RAD51: variants seen among roughly 807,000 people sequenced by gnomAD.
RAD51 encodes DNA repair protein RAD51 homolog 1.
RAD51 carries 14 observed loss-of-function variants against 41.5 expected under a neutral mutation model. The observed-to-expected ratio is 0.34, with a 90% CI of 0.22 to 0.53. The LOEUF is 0.53. RAD51 is among the 20% of genes least tolerant of loss of function. The pLI is 0.95. For synonymous variants in RAD51, 136 were observed against 148.6 expected (o/e 0.92, Z 0.62); for missense variants, 234 against 422.0 (o/e 0.55, Z 3.90).
intron 1 of RAD51, among the ~76,000 whole-genome samples, chr15:40,696,220 C>A (rs2619680): frequency 0.51 from 76,900 of 151,918 alleles, 20,395 homozygotes; most frequent in African/African-American, 0.65. Context: ...TTCTAAAGCG[C>A]AATGTAATAT....
intron 5 of RAD51, among the ~76,000 whole-genome samples, chr15:40,713,964 T>C (rs1895854005): frequency 6.6e-6 from 1 of 151,358 alleles, no homozygotes; most frequent in Admixed American, 6.6e-5. Context: ...GTAGACCTAA[T>C]CCATTGTTAA....
At chr15:40,730,990 CA>C in intron 9 of RAD51, 64 bp from the exon 10 acceptor site, 1 of 1,607,776 alleles carries the variant, frequency 6.2e-7, no homozygotes, top group Non-Finnish European at 8.5e-7. Context: ...AGCTCTGTTA[CA>C]AAGTCAGGAA....
chr15:40,728,105 C>T (rs1896680035), intron 6 of RAD51, among the ~76,000 whole-genome samples: 1 of 152,136 alleles, frequency 6.6e-6, no homozygotes, highest in Non-Finnish European at 1.5e-5. Flanking sequence ...GGTGATCCAC[C>T]TGCCTCGGCA....
chr15:40,698,195 T>G (rs370863735), intron 1 of RAD51, among the ~76,000 whole-genome samples: 110 of 145,792 alleles, frequency 7.5e-4, no homozygotes, highest in Middle Eastern at 3.5e-3. Flanking sequence ...TTTTTTTTTT[T>G]GTTTTTTTTT....
intron 2 of RAD51, among the ~76,000 whole-genome samples, chr15:40,699,095 G>A (rs1466695507): frequency 6.6e-6 from 1 of 152,208 alleles, no homozygotes; most frequent in Non-Finnish European, 1.5e-5. Context: ...TGGACTGTCA[G>A]AAACTAAGGC....
intron 1 of RAD51, among the ~76,000 whole-genome samples, chr15:40,696,218 C>T (rs1196278617): frequency 6.6e-6 from 1 of 151,978 alleles, no homozygotes; most frequent in Non-Finnish European, 1.5e-5. Context: ...ACTTCTAAAG[C>T]GCAATGTAAT....
intron 3 of RAD51, among the ~76,000 whole-genome samples, chr15:40,705,954 G>A (rs981365211): frequency 6.6e-6 from 1 of 152,038 alleles, no homozygotes; most frequent in Non-Finnish European, 1.5e-5. Context: ...ACTTGAATTG[G>A]CAATTTAAAA....
At chr15:40,696,756 G>A (rs959942261) in intron 1 of RAD51, among the ~76,000 whole-genome samples, 3 of 152,106 alleles carry the variant, frequency 2.0e-5, no homozygotes, top group Non-Finnish European at 4.4e-5. Context: ...TGTTTCACAT[G>A]CTTGCCAACA....
chr15:40,712,363 A>T (rs1025593331), intron 5 of RAD51, among the ~76,000 whole-genome samples: 1 of 152,210 alleles, frequency 6.6e-6, no homozygotes, highest in Non-Finnish European at 1.5e-5. Flanking sequence ...TGAGGTGACA[A>T]ACCCCGAGTG....
At position 40,732,095 on chromosome 15, in the gene RAD51, T is replaced by A. The variant is rs1003586646; in HGVS notation, c.*917T>A. The stretch of plus-strand genomic sequence containing the variant: ...GAGACCATGTTTCAAACAAGAAACA[T>A]TTCAGAGGGTAAGTAAACAGATTTG... On this transcript the variant is annotated 3_prime_UTR_variant, in exon 10 of 10. Transcript: ENST00000267868. 4.9e-6 allele frequency: 1 copy of A among 205,146 alleles called. No homozygotes were observed. The highest frequency in any genetic ancestry group is 1.0e-5 in the Non-Finnish European group (1 of 100,442). The allele number at this position is 205,146 out of a possible 1,614,324, so 12.7% of individuals were successfully genotyped here.
chr15:40,706,153 T>C lies in RAD51; in HGVS notation c.226-24T>C, dbSNP rs761816675. 1.1e-5 allele frequency: 17 copies of C among 1,537,052 alleles called. 1 individual carries two copies. In the South Asian group the frequency reaches 1.8e-4, roughly 16 times the overall value. On this transcript the variant is annotated intron_variant, in intron 3 of 9. Transcript: ENST00000267868. ...GTGGTAAGGAATATTATTTTGTTGATTTAATATTTCTTATTTTTCCCAGGC... is the reference window on the plus strand; with the variant it reads ...GTGGTAAGGAATATTATTTTGTTGACTTAATATTTCTTATTTTTCCCAGGC...
Position 40,731,184 on chromosome 15 carries a change from T to C in RAD51, c.*6T>C, listed in dbSNP as rs1463689649. On this transcript the variant is annotated 3_prime_UTR_variant, in exon 10 of 10. Transcript: ENST00000267868. ...TGGGAGATGCCAAAGACTGAATCATTGGGTTTTTCCTCTGTTAAAAACCTT... is the reference window on the plus strand; with the variant it reads ...TGGGAGATGCCAAAGACTGAATCATCGGGTTTTTCCTCTGTTAAAAACCTT... 6.2e-7 allele frequency: 1 copy of C among 1,613,894 alleles called. No homozygotes were observed. The highest frequency in any genetic ancestry group is 1.3e-5 in the African/African-American group (1 of 74,926).
At chr15:40,697,656 C>A (rs1894733209) in intron 1 of RAD51, among the ~76,000 whole-genome samples, 1 of 142,658 alleles carries the variant, frequency 7.0e-6, no homozygotes, top group African/African-American at 2.7e-5. Context: ...TGGCTCACTG[C>A]AAGCTCCGCC....
chr15:40,722,283 C>T (rs1037544493), intron 6 of RAD51, among the ~76,000 whole-genome samples: 1 of 151,978 alleles, frequency 6.6e-6, no homozygotes, highest in East Asian at 1.9e-4. Context: ...TGTGGTAGCA[C>T]AGACCTGTAA....
At chr15:40,697,279 TC>T (rs1469133208) in intron 1 of RAD51, among the ~76,000 whole-genome samples, 1 of 152,046 alleles carries the variant, frequency 6.6e-6, no homozygotes, top group African/African-American at 2.4e-5. Flanking sequence ...TTTGTATTTT[TC>T]TTTAATAGAG....
At chr15:40,707,458 C>T (rs914872410) in intron 4 of RAD51, among the ~76,000 whole-genome samples, 6 of 152,022 alleles carry the variant, frequency 3.9e-5, no homozygotes, top group Admixed American at 2.6e-4. Flanking sequence ...AGGCAAGTGC[C>T]ACCATGCCCA....
At chr15:40,714,130 C>T (rs1363163854) in intron 5 of RAD51, among the ~76,000 whole-genome samples, 3 of 151,440 alleles carry the variant, frequency 2.0e-5, no homozygotes, top group Non-Finnish European at 4.4e-5. Context: ...CACCCAGATC[C>T]TCATAATCAT....
chr15:40,710,157 G>A (rs575034130), intron 5 of RAD51, among the ~76,000 whole-genome samples: 1 of 149,052 alleles, frequency 6.7e-6, no homozygotes, highest in African/African-American at 2.5e-5. Flanking sequence ...CAGGAGAATG[G>A]CGTGAACCCG....
At chr15:40,701,862 C>T (rs1288600088) in intron 3 of RAD51, 1 of 380,600 alleles carries the variant, frequency 2.6e-6, no homozygotes, top group Non-Finnish European at 5.2e-6. Context: ...TGGTCTACTG[C>T]ACCCTCCGCC....
Sources: gnomAD v4.1 joint callset for allele counts (sites outside exome capture counted in the v4.1 genomes callset) on GRCh38, gnomAD v4.1.1 for gene constraint, MANE v1.5 for transcripts, NCBI Gene and HGNC (gene_info 2026-07-23, HGNC 2026-07-21) for gene names.